Variants in FAM163A observed in about 807,000 individuals in gnomAD.
FAM163A encodes the protein family with sequence similarity 163 member A.
A neutral mutation model predicts 12.0 loss-of-function variants in FAM163A; 7 were observed. The ratio of observed to expected loss-of-function variants is 0.58; its 90% CI spans 0.33 to 1.10. The LOEUF is 1.10. FAM163A is among the 50% of genes least tolerant of loss of function. FAM163A has a pLI of 0.03. For synonymous variants in FAM163A, 101 were observed against 91.0 expected (o/e 1.11, Z -0.62); for missense variants, 202 against 218.6 (o/e 0.92, Z 0.48).
rs1695297970 is a variant in FAM163A at position 179,816,114 on chromosome 1, G to A, written c.*1925G>A. 6.6e-6 allele frequency: 1 copy of A among 152,252 alleles called. No homozygotes were observed. The highest frequency in any genetic ancestry group is 1.5e-5 in the Non-Finnish European group (1 of 68,042). The allele number at this position is 152,252 out of a possible 1,614,324, so 9.4% of individuals were successfully genotyped here. A position where few individuals can be genotyped will look rare whatever the true frequency, so the allele number is the denominator to read the frequency against. On this transcript the variant is annotated 3_prime_UTR_variant, in exon 5 of 5. Coordinates refer to ENST00000341785, the MANE Select transcript of FAM163A (RefSeq NM_173509.3). ...GCCCTAATCCTGGCAGGGTCTGGAT[G>A]TATTTACCCAACTCTGATCTTGCGT...
At chr1:179,797,817 T>C (rs1692557821) in intron 1 of FAM163A, among the ~76,000 whole-genome samples, 1 of 152,184 alleles carries the variant, frequency 6.6e-6, no homozygotes, top group African/African-American at 2.4e-5. Context: ...GAAGGTTTAC[T>C]TGGACCTTCA....
At chr1:179,737,563 C>T in the FAM163A span, among the ~76,000 whole-genome samples, 12 of 152,106 alleles carry the variant, frequency 7.9e-5, no homozygotes, top group South Asian at 2.1e-4. Flanking sequence ...CAGCTGGGCG[C>T]GGTGGCTCAC....
chr1:179,758,430 GA>G (rs1261206615), intron 1 of FAM163A, among the ~76,000 whole-genome samples: 1 of 152,032 alleles, frequency 6.6e-6, no homozygotes, highest in African/African-American at 2.4e-5. Flanking sequence ...ACAACAGAAA[GA>G]AAAAAAGGGT....
chr1:179,776,490 C>CAA (rs57207957), intron 1 of FAM163A, among the ~76,000 whole-genome samples: 48 of 124,062 alleles, frequency 3.9e-4, no homozygotes, highest in African/African-American at 9.5e-4. Flanking sequence ...GACTCCATTT[C>CAA]AAAAAAAAAA....
At chr1:179,803,638 A>G (rs2794589) in intron 1 of FAM163A, among the ~76,000 whole-genome samples, 77,180 of 151,570 alleles carry the variant, frequency 0.51, 22,420 homozygotes, top group African/African-American at 0.8. Flanking sequence ...GCGCCATCTC[A>G]GCTCACTGCA....
At chr1:179,748,236 G>C (rs2147966681) in intron 1 of FAM163A, among the ~76,000 whole-genome samples, 1 of 152,292 alleles carries the variant, frequency 6.6e-6, no homozygotes, top group South Asian at 2.1e-4. Flanking sequence ...ACTTCAAAAG[G>C]AAACAGCTCT....
chr1:179,782,309 C>T (rs948406133), intron 1 of FAM163A, among the ~76,000 whole-genome samples: 4 of 151,526 alleles, frequency 2.6e-5, no homozygotes, highest in Admixed American at 2.6e-4. Flanking sequence ...TTGAATTAGC[C>T]AATGTAGAGG....
At chr1:179,739,109 G>T (rs191100774), upstream of FAM163A, among the ~76,000 whole-genome samples, 491 of 152,038 alleles carry the variant, frequency 3.2e-3, 6 homozygotes, top group African/African-American at 0.011. Flanking sequence ...TAGGCAAGAA[G>T]AAGAAGGAGA....
At chr1:179,774,791 A>G (rs952229623) in intron 1 of FAM163A, among the ~76,000 whole-genome samples, 1 of 152,142 alleles carries the variant, frequency 6.6e-6, no homozygotes, top group African/African-American at 2.4e-5. Context: ...ACTCATCTCC[A>G]TGCTGTCCCC....
chr1:179,810,076 A>C (rs925682005), intron 2 of FAM163A, among the ~76,000 whole-genome samples: 2 of 152,084 alleles, frequency 1.3e-5, no homozygotes, highest in African/African-American at 4.8e-5. Context: ...TTTATTAAGT[A>C]CCCGGTATGT....
chr1:179,744,896 C>T (rs12144248), intron 1 of FAM163A, among the ~76,000 whole-genome samples: 325 of 152,284 alleles, frequency 2.1e-3, no homozygotes, highest in Middle Eastern at 6.8e-3. Flanking sequence ...TAACTGCGGG[C>T]TTCAATCCCG....
intron 1 of FAM163A, among the ~76,000 whole-genome samples, chr1:179,773,585 G>T (rs1466235610): frequency 6.6e-6 from 1 of 152,150 alleles, no homozygotes; most frequent in Non-Finnish European, 1.5e-5. Flanking sequence ...AAGGGGAGGT[G>T]TCATAAGCAA....
At chr1:179,737,051 C>G in the FAM163A span, among the ~76,000 whole-genome samples, 1 of 152,106 alleles carries the variant, frequency 6.6e-6, no homozygotes, top group Non-Finnish European at 1.5e-5. Context: ...AAAGAGATAC[C>G]TGCACTCCCA....
intron 1 of FAM163A, among the ~76,000 whole-genome samples, chr1:179,749,271 A>G (rs1230278274): frequency 6.6e-6 from 1 of 152,236 alleles, no homozygotes. Context: ...TATACTCCCC[A>G]GGGACTCACA....
chr1:179,758,282 A>G (rs1686311316), intron 1 of FAM163A, among the ~76,000 whole-genome samples: 1 of 152,190 alleles, frequency 6.6e-6, no homozygotes, highest in Non-Finnish European at 1.5e-5. Context: ...TGATATTATT[A>G]TTGGATTCCT....
At chr1:179,756,411 G>A (rs1046921478) in intron 1 of FAM163A, among the ~76,000 whole-genome samples, 3 of 152,220 alleles carry the variant, frequency 2.0e-5, no homozygotes, top group Admixed American at 6.5e-5. Flanking sequence ...GGGAGAGAAA[G>A]AGGACATGTC....
chr1:179,785,601 A>G (rs986210183), intron 1 of FAM163A, among the ~76,000 whole-genome samples: 1 of 152,176 alleles, frequency 6.6e-6, no homozygotes, highest in South Asian at 2.1e-4. Context: ...TAAGTGATGT[A>G]TGAGTTCGAG....
At chr1:179,788,767 G>C (rs948453934) in intron 1 of FAM163A, among the ~76,000 whole-genome samples, 2 of 152,166 alleles carry the variant, frequency 1.3e-5, no homozygotes, top group Admixed American at 1.3e-4. Flanking sequence ...GGAGGAAAGA[G>C]GTCACAAAAA....
At chr1:179,789,622 G>T (rs1028226208) in intron 1 of FAM163A, among the ~76,000 whole-genome samples, 3 of 152,212 alleles carry the variant, frequency 2.0e-5, no homozygotes, top group Non-Finnish European at 2.9e-5. Context: ...AAAGAGAAGG[G>T]TGGAGAATGT....
Sources: allele counts gnomAD v4.1 joint callset (sites outside exome capture counted in the v4.1 genomes callset), GRCh38; gene constraint gnomAD v4.1.1; transcripts MANE v1.5; gene names NCBI Gene and HGNC (gene_info 2026-07-23, HGNC 2026-07-21).